The following USP6NL variants were observed in gnomAD, a reference collection of about 807,000 sequenced individuals.
USP6NL encodes the protein USP6 N-terminal-like protein.
USP6NL carries 26 observed loss-of-function variants against 61.9 expected under a neutral mutation model. That is an observed-to-expected ratio of 0.42 (90% CI 0.31 to 0.58). The LOEUF (loss-of-function observed/expected upper bound fraction) is 0.58, where lower values mean the gene tolerates loss of function less well. Ranked by LOEUF, USP6NL falls within the 20% of genes least tolerant of loss-of-function variation. The pLI is 0.16. For missense variants in USP6NL, 1,114 were observed against 1,034.3 expected (o/e 1.08, Z -1.06); for synonymous variants, 432 against 390.1 (o/e 1.11, Z -1.27).
chr10:11,467,229 G>A (rs1229974054), intron 14 of USP6NL, among the ~76,000 whole-genome samples: 1 of 152,122 alleles, frequency 6.6e-6, no homozygotes, highest in Non-Finnish European at 1.5e-5. Flanking sequence ...AGGAAATGGA[G>A]GATGCCCTAT....
At chr10:11,604,599 G>GA (rs1177665222) in intron 1 of USP6NL, among the ~76,000 whole-genome samples, 1 of 152,172 alleles carries the variant, frequency 6.6e-6, no homozygotes, top group African/African-American at 2.4e-5. Context: ...CAAGTCTGGT[G>GA]AATGAGCTCA....
chr10:11,477,965 G>C (rs543934909), intron 14 of USP6NL, among the ~76,000 whole-genome samples: 16 of 152,304 alleles, frequency 1.1e-4, no homozygotes, highest in Admixed American at 1.0e-3. Context: ...TAGGATGCAT[G>C]AATACTGAAA....
Position 11,548,173 on chromosome 10 carries a change from G to A in USP6NL, c.5-20606C>T, listed in dbSNP as rs1836353367. ...TAAACAAAATTAGGCTTTTCCACAT[G>A]AGAGGCCTGTAAATACAAAACTCTG... On this transcript the variant is annotated intron_variant, in intron 2 of 14. Coordinates refer to ENST00000609104, the MANE Select transcript of USP6NL (RefSeq NM_014688.5). This position sits in a 1 kb window ranked among gnomAD's most constrained non-coding sequence, Gnocchi z 4.3. Among the ~76,000 whole-genome samples the A allele has an allele frequency of 6.6e-6, 1 of 152,038 alleles. No homozygotes were observed. Among genetic ancestry groups the A allele is most frequent in the South Asian group, 2.1e-4 (1 of 4,832 alleles).
intron 13 of USP6NL, 38 bp downstream of exon 13, chr10:11,484,933 T>C: frequency 6.8e-7 from 1 of 1,463,600 alleles, no homozygotes; most frequent in South Asian, 1.3e-5. Context: ...TAAGCCTCAA[T>C]TTTTAATGAA....
chr10:11,566,101 T>C (rs1837141431), intron 2 of USP6NL, among the ~76,000 whole-genome samples: 2 of 152,100 alleles, frequency 1.3e-5, no homozygotes, highest in African/African-American at 4.8e-5. Flanking sequence ...TGGATGGCTA[T>C]GAAAATGAGC....
chr10:11,609,067 TTTTC>T (rs758887130), intron 1 of USP6NL, among the ~76,000 whole-genome samples: 23 of 152,152 alleles, frequency 1.5e-4, no homozygotes, highest in Non-Finnish European at 2.6e-4. Context: ...TTTTCTTTTC[TTTTC>T]TTTTTTTATT....
At chr10:11,507,067 T>C (rs1834480611) in intron 6 of USP6NL, among the ~76,000 whole-genome samples, 1 of 152,194 alleles carries the variant, frequency 6.6e-6, no homozygotes, top group Admixed American at 6.5e-5. Flanking sequence ...TTCAAAGACA[T>C]GGCACTGCTA....
chr10:11,514,481 A>G (rs1834868056), intron 5 of USP6NL, among the ~76,000 whole-genome samples: 1 of 152,194 alleles, frequency 6.6e-6, no homozygotes, highest in African/African-American at 2.4e-5. Context: ...CCATGATTAT[A>G]ATCCATTATC....
At chr10:11,535,574 C>A (rs73569153) in intron 2 of USP6NL, among the ~76,000 whole-genome samples, 1 of 152,198 alleles carries the variant, frequency 6.6e-6, no homozygotes, top group South Asian at 2.1e-4. Flanking sequence ...CCACAAGAGA[C>A]CTTTTAGCCC....
At chr10:11,590,659 C>T (rs569503600) in intron 2 of USP6NL, among the ~76,000 whole-genome samples, 8 of 152,110 alleles carry the variant, frequency 5.3e-5, no homozygotes, top group African/African-American at 1.4e-4. Context: ...TCTAATAACA[C>T]AGATTCAAGA....
intron 3 of USP6NL, among the ~76,000 whole-genome samples, chr10:11,527,016 T>C (rs1006165979): frequency 6.6e-6 from 1 of 152,184 alleles, no homozygotes; most frequent in Non-Finnish European, 1.5e-5. Flanking sequence ...GTGCCTAGTG[T>C]GAATCAGGTA....
At chr10:11,607,356 A>G (rs1189647498) in intron 1 of USP6NL, among the ~76,000 whole-genome samples, 1 of 152,214 alleles carries the variant, frequency 6.6e-6, no homozygotes, top group East Asian at 1.9e-4. Context: ...AAAAACCTAG[A>G]GCCAACTGAC....
intron 2 of USP6NL, among the ~76,000 whole-genome samples, chr10:11,545,104 TC>T (rs1836227105): frequency 6.6e-6 from 1 of 152,204 alleles, no homozygotes; most frequent in South Asian, 2.1e-4. Flanking sequence ...TACCACCTTG[TC>T]AGAATACAAA....
At position 11,597,551 on chromosome 10, in the gene USP6NL, G is replaced by A; in HGVS notation, c.4+80C>T. ...AAGTGACATAATTCCAATTTATTCA[G>A]TAACATGTTTTTCTTCTCCTAAGCA... is the stretch of plus-strand genomic sequence containing the variant. On this transcript the variant is annotated intron_variant, in intron 2 of 14. Coordinates refer to ENST00000609104, the MANE Select transcript of USP6NL (RefSeq NM_014688.5). The surrounding 1 kb of genome is among the most constrained non-coding windows in gnomAD (Gnocchi z 4.6). 1.4e-6 allele frequency: 2 copies of A among 1,411,566 alleles called. No individual in the cohort carries two copies. Among genetic ancestry groups the A allele is most frequent in the Non-Finnish European group, 9.8e-7 (1 of 1,019,434 alleles). The allele number at this position is 1,411,566 out of a possible 1,614,324, so 87.4% of individuals were successfully genotyped here.
intron 14 of USP6NL, among the ~76,000 whole-genome samples, chr10:11,479,808 C>T (rs936368801): frequency 1.3e-5 from 2 of 152,102 alleles, no homozygotes; most frequent in African/African-American, 4.8e-5. Flanking sequence ...GTCTCCTGAC[C>T]TCGTGATCTG....
chr10:11,484,059 G>C (rs1377434842), intron 13 of USP6NL, among the ~76,000 whole-genome samples: 2 of 152,094 alleles, frequency 1.3e-5, no homozygotes, highest in African/African-American at 2.4e-5. Flanking sequence ...CTATAAACAA[G>C]ACCCTGTGCA....
At chr10:11,541,154 T>C (rs1317975782) in intron 2 of USP6NL, among the ~76,000 whole-genome samples, 1 of 149,510 alleles carries the variant, frequency 6.7e-6, no homozygotes, top group Non-Finnish European at 1.5e-5. Context: ...GTTACTGTTA[T>C]TGTGCTAATA....
chr10:11,543,475 G>T (rs1011578089), intron 2 of USP6NL, among the ~76,000 whole-genome samples: 1 of 152,006 alleles, frequency 6.6e-6, no homozygotes, highest in Non-Finnish European at 1.5e-5. Context: ...CCAGGAGGCA[G>T]AGCTTGCAGT....
chr10:11,501,254 T>A (rs1290757843), intron 6 of USP6NL, 46 bp from the exon 7 acceptor site: 1 of 1,445,810 alleles, frequency 6.9e-7, no homozygotes. Flanking sequence ...TGAAAAAAAC[T>A]TAGATTAGTC....
Sources: gnomAD v4.1 joint callset for allele counts (sites outside exome capture counted in the v4.1 genomes callset) on GRCh38, gnomAD v4.1.1 for gene constraint, Gnocchi (gnomAD v3.1) non-coding constraint, MANE v1.5 for transcripts, NCBI Gene and HGNC (gene_info 2026-07-23, HGNC 2026-07-21) for gene names.